MEGF11: variants seen among roughly 807,000 people sequenced by gnomAD.
MEGF11 encodes the protein multiple EGF like domains 11.
MEGF11 carries 126 observed loss-of-function variants against 146.6 expected under a neutral mutation model. The ratio of observed to expected loss-of-function variants is 0.86; its 90% CI spans 0.74 to 1.00. The LOEUF is 1.00. MEGF11 is among the 50% of genes least tolerant of loss of function. The pLI is 0.00. For missense variants in MEGF11, 1,509 were observed against 1,521.2 expected (o/e 0.99, Z 0.13); for synonymous variants, 532 against 583.4 (o/e 0.91, Z 1.27).
intron 1 of MEGF11, among the ~76,000 whole-genome samples, chr15:66,181,516 T>TCTTCTGCTATAA (rs1175736873): frequency 1.2e-5 from 1 of 86,918 alleles, no homozygotes; most frequent in Non-Finnish European, 2.2e-5. Context: ...TCTTCTATTC[T>TCTTCTGCTATAA]CTTCTACTAT....
intron 1 of MEGF11, among the ~76,000 whole-genome samples, chr15:66,249,367 G>A (rs1263680192): frequency 6.6e-6 from 1 of 152,016 alleles, no homozygotes; most frequent in Non-Finnish European, 1.5e-5. Context: ...GACCACCCAG[G>A]CCATGGAAGT....
rs1441509295 is a variant in MEGF11 at position 66,220,051 on chromosome 15, G to A, written c.-9+33554C>T. On this transcript the variant is annotated intron_variant, in intron 1 of 25. Transcript: ENST00000395614. Reference sequence around the variant, plus strand: ...AGGGTGGGCCCTAAATCCAATGACTGGTGTCCTTATGAGAAGGCCACGTGA... The same window carrying A: ...AGGGTGGGCCCTAAATCCAATGACTAGTGTCCTTATGAGAAGGCCACGTGA... Among the ~76,000 whole-genome samples the A allele has an allele frequency of 2.0e-5, 3 of 152,174 alleles. No individual in the cohort carries two copies. In the East Asian group the frequency reaches 5.8e-4, roughly 29 times the overall value.
chr15:66,126,955 T>G (rs1019602273), intron 2 of MEGF11, among the ~76,000 whole-genome samples: 3 of 152,224 alleles, frequency 2.0e-5, no homozygotes, highest in Non-Finnish European at 4.4e-5. Flanking sequence ...GTGAGTCTGA[T>G]GTGCACTAAG....
chr15:66,223,121 C>T (rs1027521921), intron 1 of MEGF11, among the ~76,000 whole-genome samples: 4 of 152,108 alleles, frequency 2.6e-5, no homozygotes, highest in African/African-American at 7.2e-5. Context: ...ATAAATAAAA[C>T]GTGCTATATT....
At chr15:65,968,331 C>T (rs746791239) in intron 8 of MEGF11, among the ~76,000 whole-genome samples, 2 of 152,160 alleles carry the variant, frequency 1.3e-5, no homozygotes, top group Non-Finnish European at 2.9e-5. Context: ...TTGCTGGCCT[C>T]GAATGTCTCA....
intron 5 of MEGF11, among the ~76,000 whole-genome samples, chr15:66,032,907 C>A (rs1247154710): frequency 6.6e-6 from 1 of 151,876 alleles, no homozygotes; most frequent in African/African-American, 2.4e-5. Context: ...CGGTGAAACC[C>A]CATCTCTACT....
intron 20 of MEGF11, chr15:65,913,472 C>G (rs576889732): frequency 1.8e-6 from 1 of 569,656 alleles, no homozygotes; most frequent in African/African-American, 1.9e-5. Context: ...AGGCCGAAGG[C>G]TGGTGAGAAG....
intron 4 of MEGF11, among the ~76,000 whole-genome samples, chr15:66,115,757 C>T (rs779213984): frequency 1.3e-5 from 2 of 152,204 alleles, no homozygotes. Flanking sequence ...TCCACTATGA[C>T]GTGTGTGCTC....
chr15:66,122,654 A>T (rs2088091603), intron 3 of MEGF11, among the ~76,000 whole-genome samples: 1 of 152,226 alleles, frequency 6.6e-6, no homozygotes, highest in Admixed American at 6.5e-5. Flanking sequence ...GTCGCTTCAC[A>T]TGTGGCTAAT....
At chr15:66,207,629 T>A (rs1375605401) in intron 1 of MEGF11, among the ~76,000 whole-genome samples, 1 of 152,232 alleles carries the variant, frequency 6.6e-6, no homozygotes, top group Non-Finnish European at 1.5e-5. Context: ...CGTCACTAAA[T>A]GTAACTACAT....
chr15:66,071,583 T>C (rs2085368674), intron 5 of MEGF11, among the ~76,000 whole-genome samples: 1 of 152,212 alleles, frequency 6.6e-6, no homozygotes, highest in South Asian at 2.1e-4. Flanking sequence ...AGAAAGGCCC[T>C]GCAGCTGCAT....
intron 5 of MEGF11, among the ~76,000 whole-genome samples, chr15:65,996,528 C>T (rs2082205752): frequency 6.6e-6 from 1 of 151,148 alleles, no homozygotes; most frequent in African/African-American, 2.4e-5. Flanking sequence ...CTCTGTCGCC[C>T]AGGCTGGAGT....
intron 13 of MEGF11, among the ~76,000 whole-genome samples, chr15:65,926,962 G>A (rs2079391942): frequency 6.6e-6 from 1 of 152,220 alleles, no homozygotes; most frequent in Non-Finnish European, 1.5e-5. Flanking sequence ...TGCAGAGGAA[G>A]CAATGTCCCT....
chr15:66,219,508 G>A (rs1046463082), intron 1 of MEGF11, among the ~76,000 whole-genome samples: 1 of 152,188 alleles, frequency 6.6e-6, no homozygotes, highest in Non-Finnish European at 1.5e-5. Flanking sequence ...ACCTCAATGA[G>A]ATCTCATGCA....
intron 4 of MEGF11, among the ~76,000 whole-genome samples, chr15:66,106,201 G>T (rs1433874429): frequency 6.6e-6 from 1 of 152,214 alleles, no homozygotes; most frequent in Non-Finnish European, 1.5e-5. Context: ...GATGGGGAAG[G>T]TGACTCTCAG....
chr15:66,107,969 G>C (rs1302919169), intron 4 of MEGF11, among the ~76,000 whole-genome samples: 1 of 152,134 alleles, frequency 6.6e-6, no homozygotes, highest in Non-Finnish European at 1.5e-5. Flanking sequence ...GCCGGGGCTG[G>C]GTAGGGAGGT....
chr15:66,019,257 G>GCA (rs2083010876), intron 5 of MEGF11, among the ~76,000 whole-genome samples: 1 of 152,178 alleles, frequency 6.6e-6, no homozygotes, highest in Non-Finnish European at 1.5e-5. Context: ...CCCTTGCCAA[G>GCA]CACCAATCCT....
intron 5 of MEGF11, among the ~76,000 whole-genome samples, chr15:66,082,401 AACATGGT>A (rs2140552203): frequency 8.1e-6 from 1 of 123,684 alleles, no homozygotes; most frequent in South Asian, 3.2e-4. Flanking sequence ...CAGCCTGGCC[AACATGGT>A]AAAACCCCAT....
chr15:66,018,781 C>T (rs1042709188), intron 5 of MEGF11, among the ~76,000 whole-genome samples: 2 of 152,190 alleles, frequency 1.3e-5, no homozygotes, highest in African/African-American at 4.8e-5. Flanking sequence ...TTCACAGACA[C>T]AGCCAAAGAG....
Sources: gnomAD v4.1 joint callset for allele counts (sites outside exome capture counted in the v4.1 genomes callset) on GRCh38, gnomAD v4.1.1 for gene constraint, MANE v1.5 for transcripts, NCBI Gene and HGNC (gene_info 2026-07-23, HGNC 2026-07-21) for gene names.